PGR: variants seen among roughly 807,000 people sequenced by gnomAD.
PGR encodes the protein progesterone receptor.
A neutral mutation model predicts 76.1 loss-of-function variants in PGR; 25 were observed. The observed-to-expected ratio is 0.33, with a 90% CI of 0.24 to 0.46. PGR has a LOEUF of 0.46. Among genes scored for constraint, PGR ranks in the 20% least tolerant of loss-of-function variants. The probability of loss-of-function intolerance (pLI) is 1.00; values close to 1 mark genes in which losing one functional copy is unlikely to be tolerated. For missense variants in PGR, 1,172 were observed against 1,225.3 expected (o/e 0.96, Z 0.65); for synonymous variants, 579 against 535.0 (o/e 1.08, Z -1.14).
chr11:101,043,101 C>T (rs1030040048), intron 6 of PGR, among the ~76,000 whole-genome samples: 1 of 152,154 alleles, frequency 6.6e-6, no homozygotes, highest in East Asian at 1.9e-4. Context: ...GCATGCAATG[C>T]TAGCAGTTTG....
chr11:101,099,079 G>A (rs946265927), intron 2 of PGR, among the ~76,000 whole-genome samples: 1 of 152,166 alleles, frequency 6.6e-6, no homozygotes, highest in Non-Finnish European at 1.5e-5. Flanking sequence ...TGTAGGGACA[G>A]GTGTGTCCAC....
chr11:101,052,098 T>G (rs1225357618), intron 4 of PGR, among the ~76,000 whole-genome samples: 1 of 152,188 alleles, frequency 6.6e-6, no homozygotes, highest in Non-Finnish European at 1.5e-5. Flanking sequence ...GATTTAAACA[T>G]AAACTGGTCT....
At chr11:101,107,533 C>T (rs1472360408) in intron 2 of PGR, among the ~76,000 whole-genome samples, 1 of 152,050 alleles carries the variant, frequency 6.6e-6, no homozygotes, top group Non-Finnish European at 1.5e-5. Flanking sequence ...TAAAAAGAAA[C>T]CACAATCATT....
At chr11:101,065,181 C>T (rs903348727) in intron 3 of PGR, among the ~76,000 whole-genome samples, 6 of 152,174 alleles carry the variant, frequency 3.9e-5, no homozygotes, top group African/African-American at 1.4e-4. Flanking sequence ...AGGATAGGGG[C>T]TAGGTCCATT....
At chr11:101,124,124 T>C (rs1862765826) in intron 2 of PGR, among the ~76,000 whole-genome samples, 1 of 152,198 alleles carries the variant, frequency 6.6e-6, no homozygotes, top group African/African-American at 2.4e-5. Context: ...TTTATCTGCA[T>C]CAATCTTAAG....
chr11:101,096,403 A>G (rs1040785360), intron 2 of PGR, among the ~76,000 whole-genome samples: 2 of 152,234 alleles, frequency 1.3e-5, no homozygotes, highest in African/African-American at 4.8e-5. Flanking sequence ...TTAAAGGTTT[A>G]TCTTCTCAAG....
At chr11:101,078,644 T>C (rs1861204586) in intron 3 of PGR, among the ~76,000 whole-genome samples, 1 of 152,118 alleles carries the variant, frequency 6.6e-6, no homozygotes, top group Non-Finnish European at 1.5e-5. Context: ...AAGTGATTCA[T>C]TAAAGACAAG....
chr11:101,110,448 G>A (rs918696736), intron 2 of PGR, among the ~76,000 whole-genome samples: 10 of 152,162 alleles, frequency 6.6e-5, no homozygotes, highest in Non-Finnish European at 1.3e-4. Context: ...TGCATATGTG[G>A]TAGGAATAGC....
At chr11:101,086,132 A>G (rs1861492998) in intron 3 of PGR, among the ~76,000 whole-genome samples, 1 of 152,164 alleles carries the variant, frequency 6.6e-6, no homozygotes, top group Non-Finnish European at 1.5e-5. Context: ...AAAACCTGTA[A>G]GAGATACCAT....
In PGR at chr11:101,068,061, T is replaced by C. The variant is rs114801503; in HGVS notation, c.1907-5309A>G. On this transcript the variant is annotated intron_variant, in intron 3 of 7. Transcript: ENST00000325455. The stretch of plus-strand genomic sequence containing the variant: ...TTCAAGTGTAGTGATAATATTCATA[T>C]TTTCTTAAGCCAACTGAGTCCAGAG... Among the ~76,000 whole-genome samples the C allele has an allele frequency of 1.4e-3, 211 of 152,298 alleles. 1 individual carries two copies. Among genetic ancestry groups the C allele is most frequent in the African/African-American group, 4.7e-3 (196 of 41,564 alleles).
At chr11:101,054,847 A>G (rs1457565024) in intron 4 of PGR, among the ~76,000 whole-genome samples, 4 of 152,214 alleles carry the variant, frequency 2.6e-5, no homozygotes, top group African/African-American at 7.2e-5. Flanking sequence ...TTATTGGTCT[A>G]TCAATGCAAC....
intron 4 of PGR, among the ~76,000 whole-genome samples, chr11:101,059,483 T>G (rs770026992): frequency 6.6e-6 from 1 of 152,036 alleles, no homozygotes; most frequent in Non-Finnish European, 1.5e-5. Flanking sequence ...CAATGTATCC[T>G]AAGAGATGGT....
chr11:101,076,919 ATTTTTTTTTTTT>A (rs59106149), intron 3 of PGR, among the ~76,000 whole-genome samples: 5 of 65,156 alleles, frequency 7.7e-5, no homozygotes, highest in Non-Finnish European at 1.3e-4. Context: ...TACAAATGGA[ATTTTTTTTTTTT>A]TTTTTTTTTT....
rs1428163975 is a variant in PGR, at chr11:101,038,039, T to C, written c.*1077A>G. ...TGGCTGAGTCTCGAAGGTTGAAACA[T>C]GCATGGAATTTGTGTCAAAGGGGGA... On this transcript the variant is annotated 3_prime_UTR_variant, in exon 8 of 8. Coordinates refer to ENST00000325455, the MANE Select transcript of PGR (RefSeq NM_000926.4). The C allele has an allele frequency of 9.7e-6, 2 of 206,014 alleles. No individual in the cohort carries two copies. The highest frequency in any genetic ancestry group is 1.5e-4 in the East Asian group (2 of 13,692). The allele number at this position is 206,014 out of a possible 1,614,324, so 12.8% of individuals were successfully genotyped here. A position where few individuals can be genotyped will look rare whatever the true frequency, so the allele number is the denominator to read the frequency against.
At chr11:101,052,934 T>G (rs745325515) in intron 4 of PGR, among the ~76,000 whole-genome samples, 5 of 152,158 alleles carry the variant, frequency 3.3e-5, no homozygotes, top group Non-Finnish European at 4.4e-5. Flanking sequence ...AAAATAGTTT[T>G]GGATAGGATT....
intron 2 of PGR, among the ~76,000 whole-genome samples, chr11:101,107,219 A>T (rs1862193071): frequency 6.6e-6 from 1 of 152,204 alleles, no homozygotes; most frequent in South Asian, 2.1e-4. Context: ...AAGTAAAAAA[A>T]GGAAATTAAG....
At position 101,128,328 on chromosome 11, in the gene PGR, G is replaced by T; in HGVS notation, c.743C>A (p.Ala248Glu). 6.3e-7 allele frequency: 1 copy of T among 1,596,254 alleles called. No homozygotes were observed. The highest frequency in any genetic ancestry group is 8.5e-7 in the Non-Finnish European group (1 of 1,177,018). The change falls in exon 1 of 8, where the codon GCG becomes GAG. Residue 248 changes from alanine to glutamate, a missense_variant. Transcript: ENST00000325455. The part of the protein sequence containing the change: ...KGKPRALGGA[A>E]AGGGAAAVPP... ...GACAGCCGCGGCTCCTCCTCCAGCC[G>T]CCGCGCCACCCAGAGCCCGAGGTTT...
At chr11:101,115,958 A>G (rs1862492998) in intron 2 of PGR, among the ~76,000 whole-genome samples, 1 of 152,226 alleles carries the variant, frequency 6.6e-6, no homozygotes, top group African/African-American at 2.4e-5. Flanking sequence ...TTTGTATTTT[A>G]GAAAGATAAA....
intron 4 of PGR, among the ~76,000 whole-genome samples, chr11:101,059,103 G>A (rs1262074147): frequency 6.6e-6 from 1 of 151,668 alleles, no homozygotes; most frequent in African/African-American, 2.4e-5. Flanking sequence ...CCTATCTCAT[G>A]CTTTTCTTAT....
Sources: allele counts gnomAD v4.1 joint callset (sites outside exome capture counted in the v4.1 genomes callset), GRCh38; gene constraint gnomAD v4.1.1; transcripts MANE v1.5; gene names NCBI Gene and HGNC (gene_info 2026-07-23, HGNC 2026-07-21).